The following PRSS23 variants were observed in gnomAD, a reference collection of about 807,000 sequenced individuals.
The protein encoded by PRSS23 is serine protease 23.
In PRSS23, 25 loss-of-function variants were observed where a neutral mutation model predicts 34.7. The ratio of observed to expected loss-of-function variants is 0.72; its 90% CI spans 0.53 to 1.01. PRSS23 has a LOEUF of 1.01. Ranked by LOEUF, PRSS23 falls within the 50% of genes least tolerant of loss-of-function variation. The pLI is 0.00. For synonymous variants in PRSS23, 176 were observed against 186.6 expected (o/e 0.94, Z 0.46); for missense variants, 445 against 475.6 (o/e 0.94, Z 0.60).
chr11:86,824,005 CAAAAAAAAAAAAAA>C (rs55884309), intron 2 of PRSS23, among the ~76,000 whole-genome samples: 1 of 30,508 alleles, frequency 3.3e-5, no homozygotes, highest in Non-Finnish European at 5.7e-5. Context: ...GACTCCGTCT[CAAAAAAAAAAAAAA>C]AAAAAAAAAA....
At chr11:86,894,674 A>G (rs1263922074) in intron 2 of PRSS23, among the ~76,000 whole-genome samples, 1 of 152,156 alleles carries the variant, frequency 6.6e-6, no homozygotes, top group Non-Finnish European at 1.5e-5. Context: ...TGAAGAAAGG[A>G]CTAACCTTTA....
At chr11:86,829,914 C>T (rs1948337412) in intron 2 of PRSS23, among the ~76,000 whole-genome samples, 1 of 152,222 alleles carries the variant, frequency 6.6e-6, no homozygotes, top group African/African-American at 2.4e-5. Flanking sequence ...GGGTGCCTCC[C>T]AGTTAGGCTG....
intron 2 of PRSS23, among the ~76,000 whole-genome samples, chr11:86,874,249 A>G (rs577319581): frequency 2.6e-5 from 4 of 152,226 alleles, no homozygotes; most frequent in East Asian, 1.9e-4. Context: ...GAACAGCCCA[A>G]TACAGAATCT....
intron 2 of PRSS23, among the ~76,000 whole-genome samples, chr11:86,906,114 C>T (rs933465212): frequency 1.3e-5 from 2 of 152,078 alleles, no homozygotes; most frequent in Non-Finnish European, 1.5e-5. Flanking sequence ...ATTTCTCAGG[C>T]GCACTATTGC....
chr11:86,925,665 G>C (rs1037813123), intron 2 of PRSS23, among the ~76,000 whole-genome samples: 1 of 152,146 alleles, frequency 6.6e-6, no homozygotes, highest in African/African-American at 2.4e-5. Context: ...TTTTGTGCTT[G>C]TAACAACCAA....
intron 2 of PRSS23, among the ~76,000 whole-genome samples, chr11:86,825,226 G>C (rs1948289907): frequency 6.6e-6 from 1 of 151,692 alleles, no homozygotes; most frequent in Admixed American, 6.6e-5. Context: ...TTCTCTGATG[G>C]CCAGTGATGG....
At chr11:86,835,918 T>G (rs1027669926) in intron 2 of PRSS23, among the ~76,000 whole-genome samples, 1 of 152,138 alleles carries the variant, frequency 6.6e-6, no homozygotes, top group African/African-American at 2.4e-5. Context: ...TTGGCTCAAG[T>G]TTTGGGCTAA....
chr11:86,850,902 A>G (rs992874247), intron 2 of PRSS23, among the ~76,000 whole-genome samples: 2 of 152,188 alleles, frequency 1.3e-5, no homozygotes, highest in Admixed American at 6.5e-5. Context: ...ACATCTTCCT[A>G]CCACACCTAT....
intron 2 of PRSS23, among the ~76,000 whole-genome samples, chr11:86,915,486 A>T (rs923821430): frequency 6.6e-6 from 1 of 150,994 alleles, no homozygotes; most frequent in Non-Finnish European, 1.5e-5. Flanking sequence ...GTAAGAAAAG[A>T]GGCCGGTGAT....
intron 2 of PRSS23, among the ~76,000 whole-genome samples, chr11:86,901,644 G>A (rs376287412): frequency 1.3e-5 from 2 of 152,050 alleles, no homozygotes; most frequent in Admixed American, 1.3e-4. Flanking sequence ...TGAGAGGGCC[G>A]ATCACCTACA....
At chr11:86,803,781 T>C (rs539180092) in intron 1 of PRSS23, among the ~76,000 whole-genome samples, 247 of 152,244 alleles carry the variant, frequency 1.6e-3, no homozygotes, top group Non-Finnish European at 2.1e-3. Context: ...GACCTAAGGA[T>C]TAGGTTTTCC....
At chr11:86,832,104 A>T (rs1428369063) in intron 2 of PRSS23, among the ~76,000 whole-genome samples, 1 of 152,078 alleles carries the variant, frequency 6.6e-6, no homozygotes, top group Non-Finnish European at 1.5e-5. Flanking sequence ...GATATTCTTC[A>T]TAATATTCTA....
At chr11:86,795,457 G>A (rs1448731423) in intron 1 of PRSS23, among the ~76,000 whole-genome samples, 1 of 152,228 alleles carries the variant, frequency 6.6e-6, no homozygotes, top group Non-Finnish European at 1.5e-5. Context: ...TCTGACCACA[G>A]AATTTCACAT....
intron 1 of PRSS23, among the ~76,000 whole-genome samples, chr11:86,791,631 G>A (rs1173965656): frequency 6.6e-6 from 1 of 152,134 alleles, no homozygotes; most frequent in Non-Finnish European, 1.5e-5. Context: ...CTAGACTGTG[G>A]GGAAGAAGTG....
intron 2 of PRSS23, among the ~76,000 whole-genome samples, chr11:86,928,019 A>G (rs1422322263): frequency 6.6e-6 from 1 of 151,832 alleles, no homozygotes; most frequent in African/African-American, 2.4e-5. Flanking sequence ...ACACACAGAT[A>G]TTAAGCTCTT....
intron 2 of PRSS23, among the ~76,000 whole-genome samples, chr11:86,840,808 A>T (rs1017603497): frequency 6.6e-6 from 1 of 152,134 alleles, no homozygotes; most frequent in Non-Finnish European, 1.5e-5. Flanking sequence ...TAAGATACTC[A>T]CTCAAAACTG....
chr11:86,930,399 A>T (rs555313002), intron 2 of PRSS23, among the ~76,000 whole-genome samples: 1 of 152,178 alleles, frequency 6.6e-6, no homozygotes, highest in Non-Finnish European at 1.5e-5. Context: ...GTAACAGGGG[A>T]TCTAACTTAG....
intron 2 of PRSS23, among the ~76,000 whole-genome samples, chr11:86,852,243 G>T (rs570242327): frequency 6.6e-6 from 1 of 152,150 alleles, no homozygotes; most frequent in Non-Finnish European, 1.5e-5. Context: ...AGAGGTGATG[G>T]GTGTGGAGCC....
chr11:86,874,068 G>A (rs2508425), intron 2 of PRSS23, among the ~76,000 whole-genome samples: 86,490 of 152,042 alleles, frequency 0.57, 25,536 homozygotes, highest in African/African-American at 0.73. Context: ...AGAGAAGGCT[G>A]GGAGAGCCAT....
Sources: allele counts gnomAD v4.1 joint callset (sites outside exome capture counted in the v4.1 genomes callset), GRCh38; gene constraint gnomAD v4.1.1; transcripts MANE v1.5; gene names NCBI Gene and HGNC (gene_info 2026-07-23, HGNC 2026-07-21).